PDE4D: variants seen among roughly 807,000 people sequenced by gnomAD.
PDE4D encodes the protein 3',5'-cyclic-AMP phosphodiesterase 4D.
Under a neutral mutation model 87.4 loss-of-function variants are expected in PDE4D, and 24 were observed. The ratio of observed to expected loss-of-function variants is 0.27; its 90% CI spans 0.20 to 0.39. PDE4D has a LOEUF of 0.39. PDE4D is among the 10% of genes least tolerant of loss of function. PDE4D has a pLI of 1.00. For synonymous variants in PDE4D, 384 were observed against 383.2 expected (o/e 1.00, Z -0.02); for missense variants, 714 against 1,041.0 (o/e 0.69, Z 4.32).
intron 1 of PDE4D, among the ~76,000 whole-genome samples, chr5:59,833,309 AT>A (rs1371259828): frequency 2.0e-5 from 3 of 151,984 alleles, no homozygotes; most frequent in African/African-American, 7.2e-5. Flanking sequence ...GGAGGGAAAA[AT>A]GGGGTCAACT....
chr5:59,614,373 T>C (rs1408594706), intron 1 of PDE4D, among the ~76,000 whole-genome samples: 1 of 152,222 alleles, frequency 6.6e-6, no homozygotes, highest in East Asian at 1.9e-4. Context: ...TCATAGAAAT[T>C]ATGATTTTGT....
intron 1 of PDE4D, among the ~76,000 whole-genome samples, chr5:59,704,102 T>C (rs1753019152): frequency 6.6e-6 from 1 of 152,210 alleles, no homozygotes; most frequent in African/African-American, 2.4e-5. Context: ...AGGTAACCCT[T>C]ACAATTATTA....
At chr5:60,254,472 T>C (rs1748830112) in intron 1 of PDE4D, among the ~76,000 whole-genome samples, 1 of 151,940 alleles carries the variant, frequency 6.6e-6, no homozygotes, top group African/African-American at 2.4e-5. Flanking sequence ...AGCATATCTT[T>C]TGCCAGAATC....
At chr5:60,516,623 TC>T (rs375727014) in intron 1 of PDE4D, among the ~76,000 whole-genome samples, 118 of 152,306 alleles carry the variant, frequency 7.7e-4, no homozygotes, top group African/African-American at 2.6e-3. Context: ...CCTCCATATG[TC>T]ACAACAATAT....
chr5:59,230,823 T>C (rs779170631), intron 1 of PDE4D, among the ~76,000 whole-genome samples: 22 of 152,178 alleles, frequency 1.4e-4, no homozygotes, highest in Admixed American at 7.2e-4. Context: ...GTTTTCTGCC[T>C]TAATGGGGCT....
chr5:60,288,023 A>G (rs1014250270), intron 1 of PDE4D, among the ~76,000 whole-genome samples: 2 of 152,202 alleles, frequency 1.3e-5, no homozygotes, highest in African/African-American at 4.8e-5. Context: ...ATTTAACTAA[A>G]TCATATTTCT....
At chr5:60,460,749 G>T in intron 1 of PDE4D, 3 of 658,210 alleles carry the variant, frequency 4.6e-6, no homozygotes, top group East Asian at 2.8e-5. Context: ...TGCTGCTAGG[G>T]AAGTCCAAGA....
intron 2 of PDE4D, among the ~76,000 whole-genome samples, chr5:60,048,324 G>T (rs1424450723): frequency 2.0e-5 from 3 of 152,148 alleles, no homozygotes; most frequent in Non-Finnish European, 2.9e-5. Flanking sequence ...TATCCAATTT[G>T]CCAGTCTGTG....
intron 1 of PDE4D, among the ~76,000 whole-genome samples, chr5:60,207,283 G>A (rs192656857): frequency 1.3e-5 from 2 of 152,324 alleles, no homozygotes; most frequent in East Asian, 3.9e-4. Flanking sequence ...ACCTAAGATG[G>A]TTAAGGGGAA....
intron 2 of PDE4D, among the ~76,000 whole-genome samples, chr5:60,100,385 T>C (rs1641657990): frequency 6.6e-6 from 1 of 151,938 alleles, no homozygotes; most frequent in African/African-American, 2.4e-5. Context: ...TTAAGTAATA[T>C]AGCTATTTTA....
chr5:60,035,490 G>A (rs1159919661), intron 2 of PDE4D, among the ~76,000 whole-genome samples: 1 of 152,108 alleles, frequency 6.6e-6, no homozygotes, highest in African/African-American at 2.4e-5. Context: ...AGAACCAAGA[G>A]CCAAACTCTG....
intron 1 of PDE4D, among the ~76,000 whole-genome samples, chr5:59,509,934 ATATAAT>A (rs1314767361): frequency 3.4e-5 from 5 of 147,640 alleles, no homozygotes; most frequent in African/African-American, 1.2e-4. Flanking sequence ...ATACTTTTGA[ATATAAT>A]TATATTTTTT....
rs1056657176 is a variant in PDE4D, at chr5:59,918,483, C to A, written c.272+70005G>T. Among the ~76,000 whole-genome samples the A allele has an allele frequency of 2.0e-5, 3 of 152,130 alleles. No individual in the cohort carries two copies. In the East Asian group the frequency reaches 5.8e-4, roughly 29 times the overall value. On this transcript the variant is annotated intron_variant, in intron 3 of 16. Transcript: ENST00000502484. Reference sequence around the variant, plus strand: ...TCCTCATCTTGAATATGGGCAGGAACTTTAAGTTGCTTCTAACAAATAAGA... The same window carrying A: ...TCCTCATCTTGAATATGGGCAGGAAATTTAAGTTGCTTCTAACAAATAAGA...
intron 3 of PDE4D, among the ~76,000 whole-genome samples, chr5:59,908,631 G>A (rs1581694479): frequency 6.6e-6 from 1 of 152,130 alleles, no homozygotes; most frequent in African/African-American, 2.4e-5. Flanking sequence ...ATTCACTATG[G>A]ACTATAATTC....
At chr5:59,649,905 C>T (rs298020) in intron 1 of PDE4D, among the ~76,000 whole-genome samples, 43,570 of 71,096 alleles carry the variant, frequency 0.61, 13,448 homozygotes, top group East Asian at 0.8. Flanking sequence ...GTTTGTGAAC[C>T]TTTTTTTTTT....
At chr5:60,400,294 G>A (rs774330269) in intron 1 of PDE4D, among the ~76,000 whole-genome samples, 8 of 151,728 alleles carry the variant, frequency 5.3e-5, no homozygotes, top group Non-Finnish European at 1.0e-4. Context: ...AGGCTGAGGC[G>A]GACGGATCAT....
At chr5:60,238,285 G>A (rs1404073823) in intron 1 of PDE4D, among the ~76,000 whole-genome samples, 1 of 151,762 alleles carries the variant, frequency 6.6e-6, no homozygotes, top group Non-Finnish European at 1.5e-5. Context: ...AAATATCCCA[G>A]TTTTTATTTG....
chr5:59,521,866 A>G (rs556748543), intron 1 of PDE4D, among the ~76,000 whole-genome samples: 1 of 152,244 alleles, frequency 6.6e-6, no homozygotes, highest in Non-Finnish European at 1.5e-5. Flanking sequence ...TGTCTGGTAC[A>G]TGGTAAACAC....
chr5:59,342,904 A>G (rs538204102), intron 1 of PDE4D, among the ~76,000 whole-genome samples: 5 of 152,076 alleles, frequency 3.3e-5, no homozygotes, highest in Non-Finnish European at 7.4e-5. Context: ...GCTAATTAAC[A>G]TATGCATTAA....
Sources: gnomAD v4.1 joint callset for allele counts (sites outside exome capture counted in the v4.1 genomes callset) on GRCh38, gnomAD v4.1.1 for gene constraint, MANE v1.5 for transcripts, NCBI Gene and HGNC (gene_info 2026-07-23, HGNC 2026-07-21) for gene names.